Variants in GJB7 observed in about 807,000 individuals in gnomAD.
GJB7 encodes gap junction protein beta 7.
For synonymous variants in GJB7, 87 were observed against 95.2 expected (o/e 0.91, Z 0.50); for missense variants, 253 against 256.8 (o/e 0.99, Z 0.10).
intron 2 of GJB7, among the ~76,000 whole-genome samples, chr6:87,303,080 T>A (rs916102439): frequency 1.3e-5 from 2 of 152,062 alleles, no homozygotes; most frequent in African/African-American, 4.8e-5. Context: ...ACATGCCAAA[T>A]TGTAAAGACC....
rs1300275472 is a variant in GJB7 at position 87,284,271 on chromosome 6, A to C, written c.642T>G (p.Tyr214Ter). ...KCFIKCCLQK[Y>*]LKKPQVLSV ...CACTGAGGACTTGAGGTTTTTTTAA[A>C]TATTTTTGGAGACAGCACTTAATAA... The change falls in exon 3 of 3, where the codon TAT becomes TAG. Residue 214 changes from tyrosine to a stop codon, truncating the protein, a stop_gained. Coordinates refer to ENST00000525899, the MANE Select transcript of GJB7 (RefSeq NM_198568.3). LOFTEE classifies it high-confidence loss of function. 5 of 1,613,428 alleles carry C rather than the reference A, an allele frequency of 3.1e-6. No homozygotes were observed. The highest frequency in any genetic ancestry group is 4.5e-5 in the East Asian group (2 of 44,888).
intron 1 of GJB7, among the ~76,000 whole-genome samples, chr6:87,325,293 C>T (rs1582085345): frequency 6.8e-6 from 1 of 146,102 alleles, no homozygotes; most frequent in Non-Finnish European, 1.5e-5. Context: ...GCCAGAACTT[C>T]CAACACTATG....
rs10533207 is a variant in GJB7, at chr6:87,310,604, CTT to C, written c.-28+12260_-28+12261del. On this transcript the variant is annotated intron_variant, in intron 2 of 2. Transcript: ENST00000525899. ...AATCTCAGAAATCACCATTGCAGAACTTAGCCATGTAATGAAAAGCCACCTGT... is the reference window on the plus strand; with the variant it reads ...AATCTCAGAAATCACCATTGCAGAACAGCCATGTAATGAAAAGCCACCTGT... 4.9e-3 allele frequency among the ~76,000 whole-genome samples: 749 copies of C among 152,068 alleles called. 18 individuals are homozygous for C. Among genetic ancestry groups the C allele is most frequent in the Admixed American group, 0.046 (696 of 15,258 alleles).
rs761752081 is a variant in GJB7 at position 87,284,393 on chromosome 6, T to C, written c.520A>G (p.Thr174Ala). The C allele has an allele frequency of 3.7e-6, 6 of 1,614,168 alleles. No homozygotes were observed. Among genetic ancestry groups the C allele is most frequent in the Non-Finnish European group, 5.1e-6 (6 of 1,180,018 alleles). The part of the protein sequence containing the change: ...NTVDCFISKP[T>A]EKTIFILFLV... Reference sequence around the variant, plus strand: ...AAGAGGATGAAGATCGTCTTCTCAGTGGGTTTGGAGATGAAGCAGTCCACA... The same window carrying C: ...AAGAGGATGAAGATCGTCTTCTCAGCGGGTTTGGAGATGAAGCAGTCCACA... Residue 174 changes from threonine (T) to alanine (A), a missense_variant, in exon 3 of 3, where the codon ACT (threonine) becomes GCT (alanine). Thr to Ala is a moderately conservative substitution (Grantham distance 58, BLOSUM62 0). Coordinates refer to ENST00000525899, the MANE Select transcript of GJB7 (RefSeq NM_198568.3).
At chr6:87,305,943 A>T (rs1408859252) in intron 2 of GJB7, among the ~76,000 whole-genome samples, 1 of 152,188 alleles carries the variant, frequency 6.6e-6, no homozygotes, top group Non-Finnish European at 1.5e-5. Flanking sequence ...TCCCTATTTA[A>T]TAAATGGTGC....
intron 1 of GJB7, among the ~76,000 whole-genome samples, chr6:87,323,451 A>T (rs764123482): frequency 3.7e-4 from 42 of 114,966 alleles, no homozygotes; most frequent in Admixed American, 6.0e-4. Context: ...CAGACCTCAG[A>T]GTGTGATGTT....
intron 2 of GJB7, among the ~76,000 whole-genome samples, chr6:87,307,953 A>G (rs1582563906): frequency 1.3e-5 from 2 of 152,212 alleles, no homozygotes; most frequent in Non-Finnish European, 2.9e-5. Context: ...ACTATTCACA[A>G]TAACAAAGAC....
At chr6:87,294,699 C>CAGTG (rs1562210002) in intron 2 of GJB7, among the ~76,000 whole-genome samples, 1 of 152,190 alleles carries the variant, frequency 6.6e-6, no homozygotes, top group Non-Finnish European at 1.5e-5. Flanking sequence ...GTCTAAAAGA[C>CAGTG]AGTGACCAGG....
intron 2 of GJB7, among the ~76,000 whole-genome samples, chr6:87,287,584 T>G (rs190375977): frequency 5.3e-5 from 8 of 152,268 alleles, no homozygotes; most frequent in Admixed American, 5.2e-4. Context: ...TAAAAAGGAT[T>G]CTTAAGCCTA....
intron 2 of GJB7, among the ~76,000 whole-genome samples, chr6:87,292,511 A>T (rs1006399739): frequency 6.6e-5 from 10 of 152,196 alleles, no homozygotes; most frequent in Non-Finnish European, 1.5e-4. Flanking sequence ...GAGAAGTAAA[A>T]ATCACTTTCC....
chr6:87,315,718 C>T (rs1164947398), intron 2 of GJB7, among the ~76,000 whole-genome samples: 1 of 150,392 alleles, frequency 6.6e-6, no homozygotes, highest in Non-Finnish European at 1.5e-5. Flanking sequence ...ATCACTTGAA[C>T]CTGGGAGGTG....
chr6:87,320,441 TTC>T (rs966993370), intron 2 of GJB7, among the ~76,000 whole-genome samples: 2 of 152,228 alleles, frequency 1.3e-5, no homozygotes, highest in Non-Finnish European at 2.9e-5. Context: ...ATTCCAACTA[TTC>T]TGTTCATTTT....
At chr6:87,296,604 G>C (rs992127916) in intron 2 of GJB7, among the ~76,000 whole-genome samples, 2 of 152,190 alleles carry the variant, frequency 1.3e-5, no homozygotes, top group Admixed American at 1.3e-4. Context: ...GGTATTTAAT[G>C]AATGTTAGTT....
chr6:87,296,327 C>T (rs781170694), intron 2 of GJB7, among the ~76,000 whole-genome samples: 1 of 152,102 alleles, frequency 6.6e-6, no homozygotes, highest in Non-Finnish European at 1.5e-5. Flanking sequence ...CAAGAAGAAT[C>T]CTATTTTAAG....
intron 2 of GJB7, among the ~76,000 whole-genome samples, chr6:87,293,082 A>G (rs979055242): frequency 2.0e-5 from 3 of 152,206 alleles, no homozygotes; most frequent in African/African-American, 7.2e-5. Context: ...GCTAGGCTAG[A>G]GTGCAGTGGC....
At chr6:87,320,464 G>T (rs982348246) in intron 2 of GJB7, among the ~76,000 whole-genome samples, 1 of 152,128 alleles carries the variant, frequency 6.6e-6, no homozygotes, top group Non-Finnish European at 1.5e-5. Context: ...AATATAACTT[G>T]TGTAAACCAG....
intron 1 of GJB7, among the ~76,000 whole-genome samples, chr6:87,328,284 G>A (rs1259581415): frequency 3.9e-5 from 6 of 152,280 alleles, no homozygotes; most frequent in Non-Finnish European, 8.8e-5. Context: ...ACTTTGTTCC[G>A]TTGCTCGTGA....
intron 1 of GJB7, among the ~76,000 whole-genome samples, chr6:87,323,678 T>A (rs972855569): frequency 6.6e-6 from 1 of 152,190 alleles, no homozygotes; most frequent in East Asian, 1.9e-4. Context: ...CTATCATTGT[T>A]GGACATTTGG....
At chr6:87,299,512 C>T in intron 2 of GJB7, 1 of 361,680 alleles carries the variant, frequency 2.8e-6, no homozygotes, top group Non-Finnish European at 5.4e-6. Flanking sequence ...TTCTAGTGTC[C>T]AGACCACTGT....
Sources: gnomAD v4.1 joint callset for allele counts (sites outside exome capture counted in the v4.1 genomes callset) on GRCh38, gnomAD v4.1.1 for gene constraint, MANE v1.5 for transcripts, NCBI Gene and HGNC (gene_info 2026-07-23, HGNC 2026-07-21) for gene names.